The following RPTOR variants were observed in gnomAD, a reference collection of about 807,000 sequenced individuals.
RPTOR encodes the protein regulatory-associated protein of mTOR.
Under a neutral mutation model 169.9 loss-of-function variants are expected in RPTOR, and 21 were observed. The observed-to-expected ratio is 0.12, with a 90% confidence interval of 0.09 to 0.18. The LOEUF is 0.18. Ranked by LOEUF, RPTOR falls within the 10% of genes least tolerant of loss-of-function variation. RPTOR has a pLI of 1.00. For synonymous variants in RPTOR, 732 were observed against 753.2 expected (o/e 0.97, Z 0.46); for missense variants, 1,133 against 1,855.9 (o/e 0.61, Z 7.16).
Position 80,860,531 on chromosome 17 carries a change from C to A in RPTOR, c.1509+2631C>A, listed in dbSNP as rs534981847. 3.5e-3 allele frequency among the ~76,000 whole-genome samples: 526 copies of A among 152,264 alleles called. 3 individuals carry two copies. The highest frequency in any genetic ancestry group is 0.012 in the African/African-American group (513 of 41,558). ...CCCAGCCCTGACCATAGCCTCCCCA[C>A]ACCCCAAGTCCTCACGTACTACTTT... On this transcript the variant is annotated intron_variant, in intron 13 of 33. Transcript: ENST00000306801. This position sits in a 1 kb window ranked among gnomAD's most constrained non-coding sequence, Gnocchi z 5.8.
At chr17:80,566,558 C>T (rs1443611588) in intron 1 of RPTOR, among the ~76,000 whole-genome samples, 1 of 151,936 alleles carries the variant, frequency 6.6e-6, no homozygotes, top group Non-Finnish European at 1.5e-5. Context: ...CGGTGGCTCA[C>T]GCCTGTAATC....
rs943905298 is a variant in RPTOR, at chr17:80,726,004, G to A, written c.508-4556G>A. Among the ~76,000 whole-genome samples the A allele has an allele frequency of 3.9e-5, 6 of 152,176 alleles. No individual in the cohort carries two copies. The highest frequency in any genetic ancestry group is 1.4e-4 in the African/African-American group (6 of 41,430). ...GATTGTCACATCTAGGTGTGGGGGT[G>A]GCTGGGTGGTGCTGCGGAAGATTGT... On this transcript the variant is annotated intron_variant, in intron 4 of 33. Transcript: ENST00000306801. This position sits in a 1 kb window ranked among gnomAD's most constrained non-coding sequence, Gnocchi z 4.5.
At chr17:80,914,776 C>T (rs1229334972) in intron 21 of RPTOR, among the ~76,000 whole-genome samples, 1 of 152,196 alleles carries the variant, frequency 6.6e-6, no homozygotes, top group African/African-American at 2.4e-5. Flanking sequence ...CTGCAGGTGC[C>T]CCTCGGCACA....
intron 13 of RPTOR, among the ~76,000 whole-genome samples, chr17:80,862,866 A>G (rs1283131597): frequency 6.6e-6 from 1 of 152,228 alleles, no homozygotes; most frequent in Non-Finnish European, 1.5e-5. Context: ...TCAGAGGTGC[A>G]GACAGAAGCC....
chr17:80,831,236 C>T (rs1190126689), intron 9 of RPTOR, among the ~76,000 whole-genome samples: 1 of 152,232 alleles, frequency 6.6e-6, no homozygotes, highest in East Asian at 1.9e-4. Flanking sequence ...ATGTACTTGC[C>T]CTTGCACTGC....
chr17:80,906,262 G>A (rs1392784198), intron 20 of RPTOR, among the ~76,000 whole-genome samples: 2 of 152,114 alleles, frequency 1.3e-5, no homozygotes, highest in African/African-American at 2.4e-5. Context: ...TGTGTTGCAC[G>A]GAGCAGTTCC....
intron 10 of RPTOR, among the ~76,000 whole-genome samples, chr17:80,840,516 ACGG>A (rs760374192): frequency 2.0e-5 from 2 of 100,982 alleles, no homozygotes; most frequent in African/African-American, 3.8e-5. Flanking sequence ...AGCTCACACC[ACGG>A]CAGCTCACAC....
At chr17:80,841,633 GAC>G (rs2067661202) in intron 10 of RPTOR, among the ~76,000 whole-genome samples, 1 of 47,012 alleles carries the variant, frequency 2.1e-5, no homozygotes, top group Admixed American at 2.7e-4. Flanking sequence ...CAGGGCAGCT[GAC>G]ACTCACCACA....
chr17:80,793,564 C>T (rs766454248), intron 7 of RPTOR, among the ~76,000 whole-genome samples: 2 of 152,154 alleles, frequency 1.3e-5, no homozygotes, highest in South Asian at 2.1e-4. Context: ...CCTCCATCTC[C>T]GTGTGGGACA....
At chr17:80,731,341 A>AC (rs558085721) in intron 5 of RPTOR, among the ~76,000 whole-genome samples, 61 of 152,050 alleles carry the variant, frequency 4.0e-4, no homozygotes, top group African/African-American at 1.4e-3. Context: ...GGAGAAATGG[A>AC]CCCACAGCTT....
intron 28 of RPTOR, among the ~76,000 whole-genome samples, chr17:80,952,638 C>T (rs760915959): frequency 3.5e-4 from 54 of 152,278 alleles, no homozygotes; most frequent in Non-Finnish European, 1.0e-4. Flanking sequence ...GAATGTTCTC[C>T]ATGTGCTCGT....
At chr17:80,963,201 G>T in intron 33 of RPTOR, 144 bp downstream of exon 33, 1 of 816,306 alleles carries the variant, frequency 1.2e-6, no homozygotes, top group South Asian at 1.7e-5. Flanking sequence ...GACTTGCCTG[G>T]GTCCCAGGAT....
At chr17:80,875,632 G>A (rs190377951) in intron 13 of RPTOR, among the ~76,000 whole-genome samples, 26 of 152,326 alleles carry the variant, frequency 1.7e-4, no homozygotes, top group African/African-American at 5.8e-4. Context: ...TGCCGGCACC[G>A]TGCTGTTCAT....
rs868472487 is a variant in RPTOR at position 80,754,465 on chromosome 17, C to T, written c.830+280C>T. Among the ~76,000 whole-genome samples, 1 of 152,154 alleles carries T rather than the reference C, an allele frequency of 6.6e-6. No individual in the cohort carries two copies. Among genetic ancestry groups the T allele is most frequent in the East Asian group, 1.9e-4 (1 of 5,202 alleles). ...TCCTTACCTTTGTTCACTGCGGAGG[C>T]GTCTTAGTACCAGGATAGGTCATAC... On this transcript the variant is annotated intron_variant, in intron 6 of 33. Transcript: ENST00000306801. This position sits in a 1 kb window ranked among gnomAD's most constrained non-coding sequence, Gnocchi z 4.2.
rs1424122726 is a variant in RPTOR, at chr17:80,726,606, G to A, written c.508-3954G>A. ...GCCACTTTGCAGCCCTGGGACCCTC[G>A]GGGTTGTACCTAGAAGGTAGTAAAG... is the stretch of plus-strand genomic sequence containing the variant. On this transcript the variant is annotated intron_variant, in intron 4 of 33. Coordinates refer to ENST00000306801, the MANE Select transcript of RPTOR (RefSeq NM_020761.3). The surrounding 1 kb of genome is among the most constrained non-coding windows in gnomAD (Gnocchi z 4.5). Among the ~76,000 whole-genome samples the A allele has an allele frequency of 2.0e-5, 3 of 152,106 alleles. No individual in the cohort carries two copies. Among genetic ancestry groups the A allele is most frequent in the East Asian group, 1.9e-4 (1 of 5,198 alleles).
chr17:80,754,162 C>G lies in RPTOR; in HGVS notation c.807C>G (p.Thr269=), dbSNP rs1288316711. ...PADLFTSCLT[T]PIKIALRWFC... ...ACCTATTCACCTCCTGCCTCACCAC[C>G]CCCATCAAGATCGCCCTGCGCTGGT... The change falls in exon 6 of 34, where the codon ACC becomes ACG. Residue 269 remains threonine, a synonymous_variant. Coordinates refer to ENST00000306801, the MANE Select transcript of RPTOR (RefSeq NM_020761.3). This position sits in a 1 kb window ranked among gnomAD's most constrained non-coding sequence, Gnocchi z 4.2. 1.2e-6 allele frequency: 2 copies of G among 1,609,810 alleles called. No individual in the cohort carries two copies. The highest frequency in any genetic ancestry group is 1.7e-6 in the Non-Finnish European group (2 of 1,177,568).
At chr17:80,578,927 T>C (rs930142996) in intron 1 of RPTOR, among the ~76,000 whole-genome samples, 1 of 152,170 alleles carries the variant, frequency 6.6e-6, no homozygotes, top group African/African-American at 2.4e-5. Context: ...CCTGCCAGCC[T>C]CCCTGGAGGG....
At position 80,840,323 on chromosome 17, in the gene RPTOR, C is replaced by G. The variant is rs1006522362; in HGVS notation, c.1212+2326C>G. On this transcript the variant is annotated intron_variant, in intron 10 of 33. Transcript: ENST00000306801. ...CTCACACTCACCGCACGGCAGCTCA[C>G]TCTCACCGCACGGCAGCTCACACTC... 8.7e-5 allele frequency among the ~76,000 whole-genome samples: 13 copies of G among 149,328 alleles called. No individual in the cohort carries two copies. The South Asian group carries it at 2.1e-3, about 25-fold the overall frequency.
At chr17:80,760,307 C>CTTTTTTTTT (rs71164001) in intron 6 of RPTOR, among the ~76,000 whole-genome samples, 2 of 116,506 alleles carry the variant, frequency 1.7e-5, no homozygotes, top group Admixed American at 2.1e-4. Flanking sequence ...TTTCTTTTTT[C>CTTTTTTTTT]TTTTTTTTTT....
Sources: gnomAD v4.1 joint callset for allele counts (sites outside exome capture counted in the v4.1 genomes callset) on GRCh38, gnomAD v4.1.1 for gene constraint, Gnocchi (gnomAD v3.1) non-coding constraint, MANE v1.5 for transcripts, NCBI Gene and HGNC (gene_info 2026-07-23, HGNC 2026-07-21) for gene names.